SPATA31G1: variants seen among roughly 807,000 people sequenced by gnomAD.
SPATA31G1 encodes SPATA31 subfamily G member 1.
the SPATA31G1 span, chr9:35,042,991 C>G: frequency 1.1e-5 from 18 of 1,614,048 alleles, no homozygotes; most frequent in Non-Finnish European, 1.4e-5. Context: ...AAGCCATGTT[C>G]TCCTACCAAA....
the SPATA31G1 span, chr9:35,042,294 G>GAT: frequency 6.2e-7 from 1 of 1,614,192 alleles, no homozygotes; most frequent in Non-Finnish European, 8.5e-7. Flanking sequence ...GGCTAAGGGG[G>GAT]ATATGGGGCT....
chr9:35,041,768 G>A, the SPATA31G1 span: 1 of 156,020 alleles, frequency 6.4e-6, no homozygotes, highest in Admixed American at 6.2e-5. Context: ...AGCTACTCAG[G>A]AGGCTGAGGC....
the SPATA31G1 span, chr9:35,043,162 T>C: frequency 6.2e-7 from 1 of 1,614,206 alleles, no homozygotes; most frequent in South Asian, 1.1e-5. Context: ...AGCTTTCCTG[T>C]GAGGCACAAG....
chr9:35,044,104 C>G, the SPATA31G1 span: 1 of 1,614,164 alleles, frequency 6.2e-7, no homozygotes, highest in South Asian at 1.1e-5. Flanking sequence ...GGAGTCCTGT[C>G]TGAATCCAAA....
chr9:35,043,845 GATCC>G, the SPATA31G1 span: 1 of 1,614,152 alleles, frequency 6.2e-7, no homozygotes, highest in Non-Finnish European at 8.5e-7. Context: ...TTCCCTGGAA[GATCC>G]ATCCAGATAT....
chr9:35,042,831 T>C, the SPATA31G1 span: 1 of 1,597,092 alleles, frequency 6.3e-7, no homozygotes, highest in African/African-American at 1.3e-5. Flanking sequence ...AAAGGCTTCA[T>C]GCCTGAGAAT....
chr9:35,043,999 A>C, the SPATA31G1 span: 167 of 1,612,970 alleles, frequency 1.0e-4, no homozygotes, highest in Non-Finnish European at 1.3e-4. Context: ...AAGGGCATGC[A>C]AAGTAGAGAA....
chr9:35,042,703 T>C, the SPATA31G1 span: 1 of 1,168,618 alleles, frequency 8.6e-7, no homozygotes, highest in Non-Finnish European at 1.2e-6. Flanking sequence ...GTAATGACCA[T>C]TAACACTAGA....
chr9:35,044,346 C>T, the SPATA31G1 span: 1 of 1,614,038 alleles, frequency 6.2e-7, no homozygotes. Flanking sequence ...ACCGGAGCTG[C>T]TCAGAGTTAG....
At chr9:35,042,830 A>G in the SPATA31G1 span, 22,697 of 1,595,408 alleles carry the variant, frequency 0.014, 228 homozygotes, top group Middle Eastern at 0.037. Context: ...AAAAGGCTTC[A>G]TGCCTGAGAA....
At chr9:35,042,506 C>T in the SPATA31G1 span, 1 of 1,613,850 alleles carries the variant, frequency 6.2e-7, no homozygotes, top group East Asian at 2.2e-5. Flanking sequence ...TGTGACTGTA[C>T]AGCTGGATGA....
At chr9:35,045,424 G>A in the SPATA31G1 span, 57 of 1,614,026 alleles carry the variant, frequency 3.5e-5, no homozygotes, top group Middle Eastern at 1.6e-4. Flanking sequence ...TCAGGCAAGA[G>A]AAAGGACAAG....
the SPATA31G1 span, chr9:35,044,500 A>C: frequency 1.2e-6 from 2 of 1,613,914 alleles, no homozygotes; most frequent in Non-Finnish European, 8.5e-7. Context: ...TCTGATTCTC[A>C]GTCTATTGTA....
the SPATA31G1 span, chr9:35,042,867 C>T: frequency 6.2e-7 from 1 of 1,611,210 alleles, no homozygotes; most frequent in Non-Finnish European, 8.5e-7. Context: ...CCAGGAACTA[C>T]CACTTCTGCA....
the SPATA31G1 span, chr9:35,045,303 G>A: frequency 6.2e-7 from 1 of 1,614,036 alleles, no homozygotes; most frequent in South Asian, 1.1e-5. Flanking sequence ...GAAAATGAAG[G>A]GGAAGATGGT....
chr9:35,043,041 C>T, the SPATA31G1 span: 2 of 1,614,200 alleles, frequency 1.2e-6, no homozygotes, highest in Non-Finnish European at 1.7e-6. Context: ...AGCCCCACCC[C>T]AGCCATCCTG....
chr9:35,045,752 C>T, the SPATA31G1 span: 2 of 1,614,224 alleles, frequency 1.2e-6, no homozygotes, highest in Non-Finnish European at 1.7e-6. Flanking sequence ...CTTGGGCCCA[C>T]ATGGAGAAGT....
chr9:35,045,860 T>C, the SPATA31G1 span: 1 of 1,601,522 alleles, frequency 6.2e-7, no homozygotes, highest in Non-Finnish European at 8.5e-7. Flanking sequence ...CCACCAAATC[T>C]AGTCAGTAGA....
chr9:35,042,656 T>C, the SPATA31G1 span: 5 of 1,203,206 alleles, frequency 4.2e-6, no homozygotes, highest in African/African-American at 6.0e-5. Flanking sequence ...ATTCTAGATG[T>C]AGAATGAGGG....
Sources: allele counts gnomAD v4.1 joint callset, GRCh38; gene constraint gnomAD v4.1.1; transcripts MANE v1.5; gene names NCBI Gene and HGNC (gene_info 2026-07-23, HGNC 2026-07-21).